The following RPF2 variants were observed in gnomAD, a reference collection of about 807,000 sequenced individuals.
RPF2 encodes the protein ribosome production factor 2 homolog, also known as brix domain containing 1.
In RPF2, 21 loss-of-function variants were observed where a neutral mutation model predicts 38.9. That is an observed-to-expected ratio of 0.54 (90% confidence interval 0.38 to 0.78). The LOEUF (loss-of-function observed/expected upper bound fraction) is 0.78, where lower values mean the gene tolerates loss of function less well. RPF2 is among the 30% of genes least tolerant of loss of function. The probability of loss-of-function intolerance (pLI) is 0.00; values close to 1 mark genes in which losing one functional copy is unlikely to be tolerated. For synonymous variants in RPF2, 121 were observed against 126.2 expected (o/e 0.96, Z 0.28); for missense variants, 314 against 358.1 (o/e 0.88, Z 0.99).
At chr6:111,013,951 A>G (rs1417448331) in intron 7 of RPF2, among the ~76,000 whole-genome samples, 1 of 152,124 alleles carries the variant, frequency 6.6e-6, no homozygotes, top group Non-Finnish European at 1.5e-5. Flanking sequence ...AGCCTGGGCA[A>G]CATAGTGAGA....
At chr6:111,002,808 G>A (rs572073354) in intron 6 of RPF2, among the ~76,000 whole-genome samples, 146 of 149,480 alleles carry the variant, frequency 9.8e-4, no homozygotes, top group African/African-American at 3.4e-3. Context: ...TGCTCTTGTC[G>A]CCTAGGCAGG....
At chr6:110,984,084 A>G (rs12662750) in intron 1 of RPF2, among the ~76,000 whole-genome samples, 37,420 of 151,942 alleles carry the variant, frequency 0.25, 5,281 homozygotes, top group East Asian at 0.65. Flanking sequence ...TGTGGTGAAG[A>G]TTAAGCCTTA....
chr6:110,983,038 T>C (rs1771459284), intron 1 of RPF2, among the ~76,000 whole-genome samples: 1 of 152,214 alleles, frequency 6.6e-6, no homozygotes, highest in South Asian at 2.1e-4. Context: ...TGGAGGAGTA[T>C]TTTAAAAATC....
chr6:110,990,608 G>A (rs925120523), intron 3 of RPF2, among the ~76,000 whole-genome samples: 2 of 139,312 alleles, frequency 1.4e-5, no homozygotes, highest in Non-Finnish European at 1.5e-5. Flanking sequence ...AGTATGAGAC[G>A]GAGTCTCACT....
chr6:111,008,433 G>A (rs1323446163), intron 7 of RPF2, among the ~76,000 whole-genome samples: 1 of 151,088 alleles, frequency 6.6e-6, no homozygotes, highest in African/African-American at 2.4e-5. Flanking sequence ...CTTACCAGCA[G>A]CAGGAAAGCA....
chr6:111,025,704 A>G lies in RPF2; in HGVS notation c.*122A>G. 1 of 716,900 alleles carries G rather than the reference A, an allele frequency of 1.4e-6. No individual in the cohort carries two copies. 44.4% of individuals were successfully genotyped at this position (716,900 alleles called of 1,614,324 possible). On this transcript the variant is annotated 3_prime_UTR_variant, in exon 10 of 10. Coordinates refer to ENST00000441448, the MANE Select transcript of RPF2 (RefSeq NM_032194.3). ...ATTTTTATAACATGATAATTTTACG[A>G]TATATTATTATGAACAGTAATATAC...
chr6:111,002,837 C>T (rs557533447), intron 6 of RPF2, among the ~76,000 whole-genome samples: 7 of 151,520 alleles, frequency 4.6e-5, no homozygotes, highest in East Asian at 3.9e-4. Context: ...GGCATGATCT[C>T]GGCTCACTAC....
chr6:111,023,029 G>GCTGGGA (rs1413063812), intron 8 of RPF2, among the ~76,000 whole-genome samples: 1 of 152,224 alleles, frequency 6.6e-6, no homozygotes, highest in Non-Finnish European at 1.5e-5. Context: ...CTCCCGAGTA[G>GCTGGGA]CTGGGACTAC....
At position 110,991,789 on chromosome 6, in the gene RPF2, A is replaced by G; in HGVS notation, c.234+3A>G. ...CTTTTGAGGATCAGACATCACTGGT[A>G]AGTATAATAATCTTTATGATTTAAG... On this transcript the variant is annotated splice_donor_region_variant and intron_variant, in intron 4 of 9. Coordinates refer to ENST00000441448, the MANE Select transcript of RPF2 (RefSeq NM_032194.3). The G allele has an allele frequency of 8.6e-7, 1 of 1,158,968 alleles. No homozygotes were observed. Among genetic ancestry groups the G allele is most frequent in the Non-Finnish European group, 1.2e-6 (1 of 823,262 alleles). 71.8% of individuals were successfully genotyped at this position (1,158,968 alleles called of 1,614,324 possible). A position where few individuals can be genotyped will look rare whatever the true frequency, so the allele number is the denominator to read the frequency against.
chr6:111,014,561 C>T (rs1291112684), intron 7 of RPF2, among the ~76,000 whole-genome samples: 1 of 152,212 alleles, frequency 6.6e-6, no homozygotes, highest in Non-Finnish European at 1.5e-5. Flanking sequence ...TAGGTGGCTA[C>T]AGAATGGGAC....
At chr6:110,985,854 C>T (rs902070421) in intron 2 of RPF2, among the ~76,000 whole-genome samples, 1 of 150,910 alleles carries the variant, frequency 6.6e-6, no homozygotes, top group Non-Finnish European at 1.5e-5. Context: ...AGGAGAATCG[C>T]CTGAACCTGG....
chr6:110,985,237 C>T (rs1044497819), intron 2 of RPF2, 99 bp downstream of exon 2: 2 of 1,070,404 alleles, frequency 1.9e-6, no homozygotes, highest in Non-Finnish European at 2.7e-6. Flanking sequence ...ATAAGCTTGC[C>T]TTACCATAAG....
At chr6:111,015,242 A>T (rs1772087588) in intron 7 of RPF2, among the ~76,000 whole-genome samples, 1 of 152,168 alleles carries the variant, frequency 6.6e-6, no homozygotes, top group African/African-American at 2.4e-5. Flanking sequence ...ACTATCACTG[A>T]TATGCAAGGT....
intron 8 of RPF2, among the ~76,000 whole-genome samples, chr6:111,019,887 C>A (rs576842108): frequency 1.6e-4 from 25 of 152,150 alleles, no homozygotes; most frequent in African/African-American, 3.4e-4. Flanking sequence ...CTGAAAAAAA[C>A]CAGAAATCTG....
intron 8 of RPF2, among the ~76,000 whole-genome samples, chr6:111,016,896 T>C (rs1462918894): frequency 6.6e-6 from 1 of 151,752 alleles, no homozygotes; most frequent in South Asian, 2.1e-4. Flanking sequence ...TTAACAAGCA[T>C]GCTGCCTTCA....
chr6:111,025,533 G>A lies in RPF2; in HGVS notation c.872G>A (p.Arg291Lys), dbSNP rs1225264698. 7 of 1,611,680 alleles carry A rather than the reference G, an allele frequency of 4.3e-6. No individual in the cohort carries two copies. Among genetic ancestry groups the A allele is most frequent in the Non-Finnish European group, 5.9e-6 (7 of 1,179,362 alleles). ...GGGTTGAAGAAGCGACCTGCAGAAA[G>A]GATAACAGAAGACCACGAGAAAAAG... ...MKGLKKRPAE[R>K]ITEDHEKKSK... Residue 291 changes from arginine to lysine, a missense_variant, in exon 10 of 10, where the codon AGG becomes AAG. Physicochemically the swap from Arg to Lys is conservative, Grantham distance 26. Transcript: ENST00000441448.
rs139179639 is a variant in RPF2 at position 110,992,138 on chromosome 6, C to A, written c.234+352C>A. Among the ~76,000 whole-genome samples, 101 of 152,110 alleles carry A rather than the reference C, an allele frequency of 6.6e-4. No homozygotes were observed. In the East Asian group the frequency reaches 0.019, roughly 29 times the overall value. On this transcript the variant is annotated intron_variant, in intron 4 of 9. Coordinates refer to ENST00000441448, the MANE Select transcript of RPF2 (RefSeq NM_032194.3). ...CCTGACCAACATGGAGAAACCCCGTCTCTACTAAAAATACAAAAAAAATTA... is the reference window on the plus strand; with the variant it reads ...CCTGACCAACATGGAGAAACCCCGTATCTACTAAAAATACAAAAAAAATTA...
At chr6:111,000,436 T>C (rs946425583) in intron 6 of RPF2, among the ~76,000 whole-genome samples, 1 of 152,156 alleles carries the variant, frequency 6.6e-6, no homozygotes, top group African/African-American at 2.4e-5. Context: ...TTATGGAACC[T>C]TAGAAAAACC....
chr6:111,003,585 G>T (rs1360605838), intron 6 of RPF2, among the ~76,000 whole-genome samples: 1 of 152,094 alleles, frequency 6.6e-6, no homozygotes, highest in African/African-American at 2.4e-5. Flanking sequence ...CCTCAAGATG[G>T]CCATACGTCA....
Sources: gnomAD v4.1 joint callset for allele counts (sites outside exome capture counted in the v4.1 genomes callset) on GRCh38, gnomAD v4.1.1 for gene constraint, MANE v1.5 for transcripts, NCBI Gene and HGNC (gene_info 2026-07-23, HGNC 2026-07-21) for gene names.